PTPRT: variants seen among roughly 807,000 people sequenced by gnomAD.
The protein encoded by PTPRT is protein tyrosine phosphatase receptor type T.
Under a neutral mutation model 176.8 loss-of-function variants are expected in PTPRT, and 56 were observed. The observed-to-expected ratio is 0.32, with a 90% confidence interval of 0.26 to 0.40. The LOEUF (loss-of-function observed/expected upper bound fraction) is 0.40, where lower values mean the gene tolerates loss of function less well. Ranked by LOEUF, PTPRT falls within the 10% of genes least tolerant of loss-of-function variation. PTPRT has a pLI of 1.00. For missense variants in PTPRT, 1,540 were observed against 1,908.2 expected (o/e 0.81, Z 3.60); for synonymous variants, 783 against 739.0 (o/e 1.06, Z -0.96).
intron 1 of PTPRT, among the ~76,000 whole-genome samples, chr20:43,023,683 TCTC>T (rs1438315976): frequency 6.6e-6 from 1 of 152,062 alleles, no homozygotes; most frequent in Admixed American, 6.6e-5. Context: ...CACGGCTGCT[TCTC>T]CTCTCATCTC....
chr20:42,181,557 T>C (rs575801277), intron 16 of PTPRT, among the ~76,000 whole-genome samples: 1 of 152,212 alleles, frequency 6.6e-6, no homozygotes, highest in Admixed American at 6.5e-5. Context: ...AATCTAAGAG[T>C]AACCCTAGTC....
chr20:42,172,096 T>C (rs1990102442), intron 16 of PTPRT, among the ~76,000 whole-genome samples: 1 of 151,954 alleles, frequency 6.6e-6, no homozygotes, highest in African/African-American at 2.4e-5. Flanking sequence ...AAAGAAGGAA[T>C]ATGAACCATT....
At chr20:42,201,932 C>T (rs1371432522) in intron 15 of PTPRT, among the ~76,000 whole-genome samples, 1 of 114,112 alleles carries the variant, frequency 8.8e-6, no homozygotes, top group African/African-American at 3.1e-5. Context: ...GGAATCCCAA[C>T]CAAGAAGAGA....
the PTPRT span, among the ~76,000 whole-genome samples, chr20:42,042,347 C>A: frequency 6.6e-6 from 1 of 152,194 alleles, no homozygotes; most frequent in African/African-American, 2.4e-5. Context: ...CAGCAAAACA[C>A]CTAATAAATT....
chr20:42,942,267 A>T (rs936074873), intron 1 of PTPRT, among the ~76,000 whole-genome samples: 27 of 152,178 alleles, frequency 1.8e-4, no homozygotes, highest in Non-Finnish European at 3.7e-4. Flanking sequence ...CAAGAGGAGG[A>T]TGGGGCACTG....
chr20:42,993,806 T>C (rs1049881532), intron 1 of PTPRT, among the ~76,000 whole-genome samples: 3 of 151,948 alleles, frequency 2.0e-5, no homozygotes, highest in African/African-American at 7.3e-5. Context: ...ATGCCACCTT[T>C]CTGGTAGGAT....
intron 4 of PTPRT, among the ~76,000 whole-genome samples, chr20:42,775,222 G>A (rs759979402): frequency 3.3e-4 from 50 of 152,172 alleles, no homozygotes; most frequent in Admixed American, 6.5e-4. Context: ...ACATTTAGAC[G>A]CCTACAGATG....
chr20:42,421,245 TACAC>T (rs1048261121), intron 9 of PTPRT, among the ~76,000 whole-genome samples: 2 of 147,368 alleles, frequency 1.4e-5, no homozygotes, highest in Non-Finnish European at 3.0e-5. Context: ...CCCCCTAACA[TACAC>T]ACACACGCAC....
chr20:42,926,418 CTT>C (rs1276805416), intron 1 of PTPRT, among the ~76,000 whole-genome samples: 1 of 152,174 alleles, frequency 6.6e-6, no homozygotes, highest in Non-Finnish European at 1.5e-5. Context: ...CTAAGCAACT[CTT>C]AGTGCAATTC....
chr20:42,402,389 G>A (rs1035960124), intron 9 of PTPRT, among the ~76,000 whole-genome samples: 2 of 150,620 alleles, frequency 1.3e-5, no homozygotes, highest in Non-Finnish European at 2.9e-5. Context: ...GGCTGGAGGC[G>A]AGCATGCAAC....
intron 12 of PTPRT, among the ~76,000 whole-genome samples, chr20:42,307,058 A>C (rs2057554286): frequency 6.6e-6 from 1 of 152,246 alleles, no homozygotes; most frequent in Non-Finnish European, 1.5e-5. Flanking sequence ...TCTGGGTATT[A>C]TAAGAATATG....
At chr20:42,481,036 T>C (rs2071375484) in intron 7 of PTPRT, among the ~76,000 whole-genome samples, 1 of 152,098 alleles carries the variant, frequency 6.6e-6, no homozygotes, top group South Asian at 2.1e-4. Context: ...CTTTTTTTTT[T>C]TTTTAAGGGC....
intron 7 of PTPRT, among the ~76,000 whole-genome samples, chr20:42,496,227 G>A (rs557499361): frequency 6.6e-6 from 1 of 152,208 alleles, no homozygotes; most frequent in African/African-American, 2.4e-5. Flanking sequence ...AGTGGAAGAA[G>A]TGGAGGAGGT....
At chr20:42,220,360 T>C (rs1486572094) in intron 15 of PTPRT, among the ~76,000 whole-genome samples, 2 of 152,170 alleles carry the variant, frequency 1.3e-5, no homozygotes, top group Non-Finnish European at 2.9e-5. Flanking sequence ...CTCAGCAGGA[T>C]ATTAACAAGC....
chr20:42,683,365 A>T (rs550615562), intron 6 of PTPRT, among the ~76,000 whole-genome samples: 1 of 151,694 alleles, frequency 6.6e-6, no homozygotes, highest in African/African-American at 2.4e-5. Flanking sequence ...GAAACCTCCA[A>T]CTCTTGGGTT....
chr20:42,285,962 A>G (rs1000479605), intron 12 of PTPRT, among the ~76,000 whole-genome samples: 2 of 151,970 alleles, frequency 1.3e-5, no homozygotes, highest in African/African-American at 4.8e-5. Context: ...TAAAAAAGAA[A>G]TCAATAAGGC....
chr20:42,082,742 T>C (rs1473962932), intron 29 of PTPRT, among the ~76,000 whole-genome samples: 1 of 152,218 alleles, frequency 6.6e-6, no homozygotes, highest in Non-Finnish European at 1.5e-5. Flanking sequence ...ATCATCTTCA[T>C]GGAAACACCC....
At chr20:42,119,058 T>C (rs140643245) in intron 20 of PTPRT, among the ~76,000 whole-genome samples, 85 of 62,024 alleles carry the variant, frequency 1.4e-3, no homozygotes, top group African/African-American at 4.6e-3. Context: ...GAGCAGAAAA[T>C]AGGCTCTGAC....
At chr20:42,567,060 T>C (rs1225289971) in intron 7 of PTPRT, among the ~76,000 whole-genome samples, 1 of 152,112 alleles carries the variant, frequency 6.6e-6, no homozygotes, top group Non-Finnish European at 1.5e-5. Flanking sequence ...TCACCTGATG[T>C]CAGGAGTTCG....
Sources: allele counts gnomAD v4.1 joint callset (sites outside exome capture counted in the v4.1 genomes callset), GRCh38; gene constraint gnomAD v4.1.1; transcripts MANE v1.5; gene names NCBI Gene and HGNC (gene_info 2026-07-23, HGNC 2026-07-21).